Variants in SMOC1 observed in about 807,000 individuals in gnomAD.
SMOC1 encodes SPARC related modular calcium binding 1, also known as SPARC-related modular calcium-binding protein 1.
In SMOC1, 22 loss-of-function variants were observed where a neutral mutation model predicts 56.3. That is an observed-to-expected ratio of 0.39 (90% confidence interval 0.28 to 0.56). The LOEUF (loss-of-function observed/expected upper bound fraction) is 0.56. SMOC1 is among the 20% of genes least tolerant of loss of function. The probability of loss-of-function intolerance (pLI) is 0.61; values close to 1 mark genes in which losing one functional copy is unlikely to be tolerated. For missense variants in SMOC1, 509 were observed against 565.4 expected, an observed-to-expected ratio of 0.90 and a Z score of 1.01; for synonymous variants, 193 against 215.0, an observed-to-expected ratio of 0.90 and a Z score of 0.89.
At chr14:70,016,470 G>A (rs1211761913) in intron 10 of SMOC1, among the ~76,000 whole-genome samples, 1 of 152,182 alleles carries the variant, frequency 6.6e-6, no homozygotes, top group Non-Finnish European at 1.5e-5. Context: ...CAGACAAGAT[G>A]CTTCAAGAAA....
Position 69,975,769 on chromosome 14 carries a change from C to A in SMOC1, c.433C>A (p.Pro145Thr). ...CTGGTGTGTCACCCCGGATGGGAAG[C>A]CCATCAGTGGCTCTTCTGTGCAGAA... ...YCWCVTPDGK[P>T]ISGSSVQNKT... The change falls in exon 4 of 12, where the codon CCC becomes ACC. Residue 145 changes from proline (P) to threonine (T), a missense_variant. Pro to Thr is a conservative substitution (Grantham distance 38). This residue lies in a region of SMOC1 where 315 missense variants were observed against 333.1 expected (regional missense o/e 0.95). Transcript: ENST00000361956. 6.2e-7 allele frequency: 1 copy of A among 1,612,920 alleles called. No homozygotes were observed. Among genetic ancestry groups the A allele is most frequent in the Non-Finnish European group, 8.5e-7 (1 of 1,179,926 alleles).
chr14:69,902,607 C>CTCTCCCTCTCCCCACGG, intron 1 of SMOC1, among the ~76,000 whole-genome samples: 1 of 152,190 alleles, frequency 6.6e-6, no homozygotes, highest in African/African-American at 2.4e-5. Flanking sequence ...AGCCCTCTCC[C>CTCTCCCTCTCCCCACGG]TCTCCCTCTC....
At chr14:69,966,833 C>G (rs1883594202) in intron 3 of SMOC1, among the ~76,000 whole-genome samples, 1 of 152,222 alleles carries the variant, frequency 6.6e-6, no homozygotes, top group Non-Finnish European at 1.5e-5. Flanking sequence ...TGAAGATGAG[C>G]ACCATTATAT....
chr14:69,903,608 A>G (rs1458324227), intron 1 of SMOC1, among the ~76,000 whole-genome samples: 1 of 152,120 alleles, frequency 6.6e-6, no homozygotes, highest in Non-Finnish European at 1.5e-5. Context: ...CTTACCCCCA[A>G]CCCGGTGCTC....
At chr14:69,902,066 C>G (rs1175458481) in intron 1 of SMOC1, among the ~76,000 whole-genome samples, 1 of 152,160 alleles carries the variant, frequency 6.6e-6, no homozygotes, top group Non-Finnish European at 1.5e-5. Context: ...ATGCCCTCCT[C>G]TGGTTTAGGA....
In SMOC1 at chr14:69,879,431, T is replaced by G. The variant is rs1883565422; in HGVS notation, c.-248T>G. 1 of 378,774 alleles carries G rather than the reference T, an allele frequency of 2.6e-6. No individual in the cohort carries two copies. 23.5% of individuals were successfully genotyped at this position (378,774 alleles called of 1,614,324 possible). A position where few individuals can be genotyped will look rare whatever the true frequency, so the allele number is the denominator to read the frequency against. ...GCCCGGGCTCAGGCGTCCAACCTGC[T>G]GCCGCCTGGGCCCCGCCGAGCGGAG... On this transcript the variant is annotated 5_prime_UTR_variant, in exon 1 of 12. Transcript: ENST00000361956.
At chr14:69,965,482 G>A (rs990755618) in intron 3 of SMOC1, among the ~76,000 whole-genome samples, 8 of 152,036 alleles carry the variant, frequency 5.3e-5, no homozygotes, top group Non-Finnish European at 7.4e-5. Flanking sequence ...TTTAAGTGTA[G>A]TCCCACAGAG....
intron 3 of SMOC1, among the ~76,000 whole-genome samples, chr14:69,965,875 G>A (rs1883556329): frequency 6.6e-6 from 1 of 152,248 alleles, no homozygotes; most frequent in Non-Finnish European, 1.5e-5. Flanking sequence ...CCACTGCTCT[G>A]TGAGTGCACG....
chr14:69,988,861 C>A (rs555548034), intron 5 of SMOC1, among the ~76,000 whole-genome samples: 85 of 152,278 alleles, frequency 5.6e-4, no homozygotes, highest in African/African-American at 1.9e-3. Context: ...TCTTCATCTA[C>A]ATTGTCACAT....
intron 3 of SMOC1, among the ~76,000 whole-genome samples, chr14:69,958,210 A>G (rs1178213896): frequency 6.6e-6 from 1 of 152,176 alleles, no homozygotes; most frequent in Non-Finnish European, 1.5e-5. Flanking sequence ...ATATTGCTCT[A>G]TGATTGCACC....
rs1883576848 is a variant in SMOC1, at chr14:69,879,654, C to G, written c.-25C>G. On this transcript the variant is annotated 5_prime_UTR_variant, in exon 1 of 12. Transcript: ENST00000361956. ...CGGAGCCCGCGAACCCCGCTCGCTGCCGGCTGCCCAGCCTGGCTGGCACCA... is the reference window on the plus strand; with the variant it reads ...CGGAGCCCGCGAACCCCGCTCGCTGGCGGCTGCCCAGCCTGGCTGGCACCA... The G allele has an allele frequency of 6.8e-7, 1 of 1,472,586 alleles. No homozygotes were observed. The highest frequency in any genetic ancestry group is 8.9e-7 in the Non-Finnish European group (1 of 1,118,416). 91.2% of individuals were successfully genotyped at this position (1,472,586 alleles called of 1,614,324 possible). A position where few individuals can be genotyped will look rare whatever the true frequency, so the allele number is the denominator to read the frequency against.
At chr14:69,882,714 C>T (rs1883678651) in intron 1 of SMOC1, among the ~76,000 whole-genome samples, 1 of 152,172 alleles carries the variant, frequency 6.6e-6, no homozygotes, top group African/African-American at 2.4e-5. Flanking sequence ...AAGCCAACTG[C>T]CTGTCTTTGT....
intron 1 of SMOC1, among the ~76,000 whole-genome samples, chr14:69,895,111 T>G (rs1311681631): frequency 1.3e-5 from 2 of 152,226 alleles, no homozygotes. Flanking sequence ...CTTGAATTTT[T>G]GTAGAGGATT....
chr14:69,933,609 A>C (rs1347043183), intron 1 of SMOC1, among the ~76,000 whole-genome samples: 1 of 149,948 alleles, frequency 6.7e-6, no homozygotes, highest in Non-Finnish European at 1.5e-5. Context: ...GGCTCACTGC[A>C]ACCTGCGCCT....
Position 69,979,879 on chromosome 14 carries a change from C to T in SMOC1, c.526+1914C>T, listed in dbSNP as rs142119669. 1.0e-3 allele frequency among the ~76,000 whole-genome samples: 157 copies of T among 152,276 alleles called. 1 individual carries two copies. Among genetic ancestry groups the T allele is most frequent in the African/African-American group, 3.6e-3 (149 of 41,566 alleles). On this transcript the variant is annotated intron_variant, in intron 5 of 11. Transcript: ENST00000361956. ...AACTGACCACCCAGATTCCCCTCCTCCAAAGGGAGCTGATTGTATGATGCT... is the reference window on the plus strand; with the variant it reads ...AACTGACCACCCAGATTCCCCTCCTTCAAAGGGAGCTGATTGTATGATGCT...
chr14:70,007,595 C>G (rs1296462329), intron 7 of SMOC1, among the ~76,000 whole-genome samples: 1 of 152,198 alleles, frequency 6.6e-6, no homozygotes, highest in African/African-American at 2.4e-5. Flanking sequence ...ATTTATTTGT[C>G]TCCTAGAGCA....
chr14:69,944,398 G>C (rs541032750), intron 1 of SMOC1, among the ~76,000 whole-genome samples: 1 of 152,300 alleles, frequency 6.6e-6, no homozygotes, highest in South Asian at 2.1e-4. Flanking sequence ...GAGCTGGGCT[G>C]TGGTTTCTGC....
chr14:70,027,265 G>T (rs1885962233), intron 11 of SMOC1, among the ~76,000 whole-genome samples: 1 of 152,222 alleles, frequency 6.6e-6, no homozygotes, highest in Non-Finnish European at 1.5e-5. Flanking sequence ...CCCAGCCTCA[G>T]GATTCCTGGG....
At chr14:69,932,663 G>C (rs112926880) in intron 1 of SMOC1, among the ~76,000 whole-genome samples, 1 of 152,168 alleles carries the variant, frequency 6.6e-6, no homozygotes, top group African/African-American at 2.4e-5. Flanking sequence ...ATTCAAAGGC[G>C]GCTTTGTGGT....
Sources: gnomAD v4.1 joint callset for allele counts (sites outside exome capture counted in the v4.1 genomes callset) on GRCh38, gnomAD v4.1.1 for gene constraint, gnomAD v4.1.1 regional missense constraint, MANE v1.5 for transcripts, NCBI Gene and HGNC (gene_info 2026-07-23, HGNC 2026-07-21) for gene names.